The following BBOF1 variants were observed in gnomAD, a reference collection of about 807,000 sequenced individuals.
The protein encoded by BBOF1 is basal body-orientation factor 1.
In BBOF1, 62 loss-of-function variants were observed where a neutral mutation model predicts 68.0. The ratio of observed to expected loss-of-function variants is 0.91; its 90% CI spans 0.74 to 1.13. BBOF1 has a LOEUF of 1.13. Ranked by LOEUF, BBOF1 falls within the 50% of genes most tolerant of loss-of-function variation. BBOF1 has a pLI of 0.00. For missense variants in BBOF1, 534 were observed against 600.1 expected, an observed-to-expected ratio of 0.89 and a Z score of 1.15; for synonymous variants, 208 against 198.8, an observed-to-expected ratio of 1.05 and a Z score of -0.39.
chr14:74,047,407 C>CTTTATTTATTTATTTA lies in BBOF1; in HGVS notation c.648-499_648-484dup, dbSNP rs61067400. Among the ~76,000 whole-genome samples, 442 of 145,634 alleles carry CTTTATTTATTTATTTA rather than the reference C, an allele frequency of 3.0e-3. 3 individuals carry two copies. The highest frequency in any genetic ancestry group is 0.01 in the African/African-American group (404 of 39,154). On this transcript the variant is annotated intron_variant, in intron 6 of 11. Coordinates refer to ENST00000394009, the MANE Select transcript of BBOF1 (RefSeq NM_025057.3). ...ACTAGAAGTAACCCGTCCTTTTTCA[C>CTTTATTTATTTATTTA]TTTATTTATTTATTTATTTATTTAT...
At chr14:74,067,571 TA>T (rs528185481), downstream of BBOF1, 135 of 1,555,220 alleles carry the variant, frequency 8.7e-5, no homozygotes, top group Non-Finnish European at 8.1e-5. Flanking sequence ...CTTGGCTCCC[TA>T]AAAAAAAATG....
intron 10 of BBOF1, among the ~76,000 whole-genome samples, chr14:74,079,862 T>C (rs965930327): frequency 3.3e-5 from 5 of 152,036 alleles, no homozygotes; most frequent in Admixed American, 6.6e-5. Flanking sequence ...AGCCACGACA[T>C]GTGACCTCTA....
chr14:74,047,121 T>C (rs907821735), intron 6 of BBOF1, among the ~76,000 whole-genome samples: 9 of 152,200 alleles, frequency 5.9e-5, no homozygotes, highest in African/African-American at 2.2e-4. Context: ...AATAAATAAA[T>C]AGTAAAACCA....
chr14:74,065,494 A>G lies in BBOF1; in HGVS notation c.*795A>G. 1 of 855,090 alleles carries G rather than the reference A, an allele frequency of 1.2e-6. No individual in the cohort carries two copies. The highest frequency in any genetic ancestry group is 1.9e-6 in the Non-Finnish European group (1 of 540,392). The allele number at this position is 855,090 out of a possible 1,614,324, so 53.0% of individuals were successfully genotyped here. Reference sequence around the variant, plus strand: ...ATATTACTAATCTCTTTTCATTTCAAATCACCTATTTAAAAAAAAAGTCCT... The same window carrying G: ...ATATTACTAATCTCTTTTCATTTCAGATCACCTATTTAAAAAAAAAGTCCT... On this transcript the variant is annotated 3_prime_UTR_variant, in exon 12 of 12. Coordinates refer to ENST00000394009, the MANE Select transcript of BBOF1 (RefSeq NM_025057.3).
chr14:74,059,402 T>G (rs1164248403), intron 11 of BBOF1: 1 of 456,002 alleles, frequency 2.2e-6, no homozygotes, highest in Non-Finnish European at 4.4e-6. Context: ...TCTAAGAAAA[T>G]TATTTGCATC....
At chr14:74,060,752 G>T (rs1335605530) in intron 11 of BBOF1, 1 of 1,585,458 alleles carries the variant, frequency 6.3e-7, no homozygotes, top group Admixed American at 1.7e-5. Flanking sequence ...ATGCCCTAAG[G>T]AAAACAGAAA....
Position 74,057,273 on chromosome 14 carries a change from T to G in BBOF1, c.1578+15T>G, listed in dbSNP as rs752973452. The stretch of plus-strand genomic sequence containing the variant: ...AGTCTGACACAGTAAGGAGTCTGTA[T>G]CTAATCAAACAATGTATATTGTTGT... On this transcript the variant is annotated intron_variant, in intron 11 of 11. Transcript: ENST00000394009. 9.9e-6 allele frequency: 16 copies of G among 1,614,098 alleles called. No homozygotes were observed. The highest frequency in any genetic ancestry group is 1.3e-5 in the Non-Finnish European group (15 of 1,179,986).
intron 3 of BBOF1, among the ~76,000 whole-genome samples, chr14:74,031,280 T>C (rs557360335): frequency 1.3e-5 from 2 of 151,782 alleles, no homozygotes; most frequent in East Asian, 3.9e-4. Context: ...ACCTGGCAAA[T>C]TTTTGTATTT....
intron 3 of BBOF1, 116 bp downstream of exon 3, chr14:74,029,365 C>T (rs1333930284): frequency 1.6e-6 from 1 of 626,294 alleles, no homozygotes; most frequent in African/African-American, 1.9e-5. Flanking sequence ...AGGCTAATGA[C>T]CTTAAAGCTT....
chr14:74,078,638 C>T (rs1338653514), intron 10 of BBOF1, among the ~76,000 whole-genome samples: 2 of 152,200 alleles, frequency 1.3e-5, no homozygotes, highest in African/African-American at 2.4e-5. Context: ...AGTGATTCTC[C>T]TGCCTCAGCT....
intron 2 of BBOF1, among the ~76,000 whole-genome samples, chr14:74,024,460 T>C (rs1016167982): frequency 6.6e-6 from 1 of 152,060 alleles, no homozygotes; most frequent in African/African-American, 2.4e-5. Context: ...TGTCTCATAT[T>C]ATTATTACTT....
intron 5 of BBOF1, among the ~76,000 whole-genome samples, chr14:74,042,488 G>T (rs1166043179): frequency 6.6e-6 from 1 of 152,212 alleles, no homozygotes; most frequent in East Asian, 1.9e-4. Context: ...GCAGATGGCT[G>T]CTGGCCTTTC....
chr14:74,074,989 G>T (rs2060596383), intron 9 of BBOF1: 1 of 1,613,952 alleles, frequency 6.2e-7, no homozygotes, highest in Non-Finnish European at 8.5e-7. Flanking sequence ...TGAATACCAG[G>T]TGGGACTGGA....
At chr14:74,072,229 A>T (rs756975571) in intron 9 of BBOF1, 1 of 1,614,254 alleles carries the variant, frequency 6.2e-7, no homozygotes, top group East Asian at 2.2e-5. Flanking sequence ...AGTTGTTGAT[A>T]GCGGAGCAAG....
chr14:74,057,084 T>C, intron 10 of BBOF1, 60 bp from the exon 11 acceptor site: 1 of 1,599,392 alleles, frequency 6.3e-7, no homozygotes, highest in South Asian at 1.1e-5. Context: ...TCTGTTATTC[T>C]AAACCAGGTT....
At chr14:74,082,049 A>C (rs2060673439) in intron 12 of BBOF1, among the ~76,000 whole-genome samples, 1 of 152,154 alleles carries the variant, frequency 6.6e-6, no homozygotes, top group Non-Finnish European at 1.5e-5. Context: ...TCTACAAAAA[A>C]TACAAAAATT....
chr14:74,045,899 T>C (rs2059937594), intron 5 of BBOF1, among the ~76,000 whole-genome samples, 161 bp from the exon 6 acceptor site: 1 of 152,216 alleles, frequency 6.6e-6, no homozygotes, highest in Non-Finnish European at 1.5e-5. Context: ...GGTTCCTGTG[T>C]TCACACTGTC....
chr14:74,064,998 A>G lies in BBOF1; in HGVS notation c.*299A>G. The stretch of plus-strand genomic sequence containing the variant: ...TAGAAACACAAAGGCATCAGAGACC[A>G]GTTTTAAATACCCACCTTCTACCCT... On this transcript the variant is annotated 3_prime_UTR_variant, in exon 12 of 12. Transcript: ENST00000394009. 7.1e-7 allele frequency: 1 copy of G among 1,415,842 alleles called. No homozygotes were observed. The highest frequency in any genetic ancestry group is 1.2e-5 in the South Asian group (1 of 84,136). The allele number at this position is 1,415,842 out of a possible 1,614,324, so 87.7% of individuals were successfully genotyped here.
chr14:74,063,828 C>T (rs1342571655), intron 11 of BBOF1, among the ~76,000 whole-genome samples: 6 of 140,568 alleles, frequency 4.3e-5, no homozygotes, highest in East Asian at 2.3e-4. Context: ...ATTGTGCCAC[C>T]GCACCCCAGC....
Sources: allele counts gnomAD v4.1 joint callset (sites outside exome capture counted in the v4.1 genomes callset), GRCh38; gene constraint gnomAD v4.1.1; transcripts MANE v1.5; gene names NCBI Gene and HGNC (gene_info 2026-07-23, HGNC 2026-07-21).